CTSC: variants seen among roughly 807,000 people sequenced by gnomAD.
The protein encoded by CTSC is dipeptidyl peptidase 1.
A neutral mutation model predicts 40.9 loss-of-function variants in CTSC; 37 were observed. The observed-to-expected ratio is 0.91, with a 90% CI of 0.70 to 1.19. CTSC has a LOEUF of 1.19. CTSC is among the 50% of genes most tolerant of loss of function. CTSC has a pLI of 0.00. For synonymous variants in CTSC, 232 were observed against 207.4 expected, an observed-to-expected ratio of 1.12 and a Z score of -1.02; for missense variants, 594 against 567.3, an observed-to-expected ratio of 1.05 and a Z score of -0.48.
intron 2 of CTSC, among the ~76,000 whole-genome samples, chr11:88,326,904 GA>G: frequency 6.6e-6 from 1 of 152,198 alleles, no homozygotes; most frequent in Non-Finnish European, 1.5e-5. Flanking sequence ...CCCTAACTAG[GA>G]GAAAGAGTGA....
intron 2 of CTSC, among the ~76,000 whole-genome samples, chr11:88,332,149 C>G (rs977749834): frequency 3.3e-5 from 5 of 152,174 alleles, no homozygotes; most frequent in African/African-American, 1.2e-4. Context: ...GGCAGGTAAG[C>G]ATGGCAAGAA....
At chr11:88,320,253 A>G (rs1320957190) in intron 2 of CTSC, among the ~76,000 whole-genome samples, 1 of 152,260 alleles carries the variant, frequency 6.6e-6, no homozygotes, top group African/African-American at 2.4e-5. Flanking sequence ...ATGGAGGGTC[A>G]TAAATCTGTT....
chr11:88,296,337 T>C (rs993320533), intron 5 of CTSC, 73 bp from the exon 6 acceptor site: 2 of 1,567,980 alleles, frequency 1.3e-6, no homozygotes, highest in African/African-American at 2.7e-5. Flanking sequence ...AAAACCTTAG[T>C]GAATCACATA....
intron 2 of CTSC, chr11:88,326,414 G>C: frequency 6.2e-7 from 1 of 1,613,482 alleles, no homozygotes; most frequent in East Asian, 2.2e-5. Flanking sequence ...GGTTTTAAAA[G>C]AGTCCCTCAA....
At chr11:88,320,110 T>C (rs1009737191) in intron 2 of CTSC, among the ~76,000 whole-genome samples, 2 of 152,198 alleles carry the variant, frequency 1.3e-5, no homozygotes, top group African/African-American at 2.4e-5. Flanking sequence ...TTTCTGCCTA[T>C]TAACTGGACT....
At chr11:88,298,905 T>C (rs76632074) in intron 5 of CTSC, 1 of 152,204 alleles carries the variant, frequency 6.6e-6, no homozygotes, top group African/African-American at 2.4e-5. Context: ...TTGTCAATCA[T>C]TTCTTTTGGG....
At chr11:88,311,198 C>T (rs1029158057) in intron 3 of CTSC, among the ~76,000 whole-genome samples, 7 of 152,086 alleles carry the variant, frequency 4.6e-5, no homozygotes, top group African/African-American at 1.7e-4. Context: ...AAATAGAGTA[C>T]AATAGTACAT....
At chr11:88,309,922 C>T (rs149947851) in intron 3 of CTSC, among the ~76,000 whole-genome samples, 6 of 152,094 alleles carry the variant, frequency 3.9e-5, no homozygotes, top group African/African-American at 1.4e-4. Flanking sequence ...CTTTCCCCTA[C>T]TCCCTACAGT....
chr11:88,310,126 TA>T (rs1937719180), intron 3 of CTSC, among the ~76,000 whole-genome samples: 1 of 152,032 alleles, frequency 6.6e-6, no homozygotes, highest in African/African-American at 2.4e-5. Context: ...CCCAGAAGTT[TA>T]TTAGAAATGC....
intron 3 of CTSC, 44 bp downstream of exon 3, chr11:88,312,344 C>T (rs773802041): frequency 1.3e-6 from 2 of 1,592,090 alleles, no homozygotes; most frequent in South Asian, 1.1e-5. Flanking sequence ...TTCATATATA[C>T]TATAAAACAA....
At chr11:88,317,307 C>T in intron 2 of CTSC, among the ~76,000 whole-genome samples, 1 of 152,170 alleles carries the variant, frequency 6.6e-6, no homozygotes, top group East Asian at 1.9e-4. Context: ...TCTTAATAGA[C>T]ACACTATTTA....
intron 2 of CTSC, 141 bp from the exon 3 acceptor site, chr11:88,312,695 T>C: frequency 1.1e-6 from 1 of 942,796 alleles, no homozygotes. Flanking sequence ...TAAGAATTAT[T>C]CTAGAAAAAG....
chr11:88,325,835 T>A (rs1938167425), intron 2 of CTSC: 2 of 986,018 alleles, frequency 2.0e-6, no homozygotes, highest in Non-Finnish European at 2.4e-6. Context: ...AAATATGTCC[T>A]CCATAGGACC....
Position 88,312,441 on chromosome 11 carries a change from A to G in CTSC, c.432T>C (p.Thr144=). The stretch of plus-strand genomic sequence containing the variant: ...TGTTGACATACACATTCTCAGAGGC[A>G]GTTCCCACCTTCTTTCCGGTGAAAC... ...WACFTGKKVG[T]ASENVYVNIA... Residue 144 remains threonine, a synonymous_variant, in exon 3 of 7, where the codon ACT becomes ACC. Transcript: ENST00000227266. 1 of 1,614,190 alleles carries G rather than the reference A, an allele frequency of 6.2e-7. No individual in the cohort carries two copies.
At chr11:88,319,189 G>A (rs898307678) in intron 2 of CTSC, among the ~76,000 whole-genome samples, 2 of 152,122 alleles carry the variant, frequency 1.3e-5, no homozygotes, top group Non-Finnish European at 1.5e-5. Context: ...ACAAGGATTT[G>A]CAAATACTAA....
At chr11:88,334,805 C>T in intron 2 of CTSC, 132 bp downstream of exon 2, 1 of 714,798 alleles carries the variant, frequency 1.4e-6, no homozygotes, top group South Asian at 1.6e-5. Context: ...ACTACTACTA[C>T]TCTTGGGAAG....
chr11:88,334,993 A>G lies in CTSC; in HGVS notation c.262T>C (p.Tyr88His). 2.5e-6 allele frequency: 4 copies of G among 1,611,910 alleles called. No homozygotes were observed. The highest frequency in any genetic ancestry group is 3.4e-6 in the Non-Finnish European group (4 of 1,178,034). Reference protein sequence around the residue: ...LGNSGHFTIIYNQGFEIVLND... With the variant: ...LGNSGHFTIIHNQGFEIVLND... Reference sequence around the variant, plus strand: ...AACACAATCTCAAAGCCTTGGTTGTAAATGATGGTGAAATGGCCAGAATTG... The same window carrying G: ...AACACAATCTCAAAGCCTTGGTTGTGAATGATGGTGAAATGGCCAGAATTG... Residue 88 changes from tyrosine to histidine, a missense_variant, in exon 2 of 7, where the codon TAC (tyrosine) becomes CAC (histidine). Transcript: ENST00000227266.
Position 88,296,235 on chromosome 11 carries a change from A to T in CTSC, c.787T>A (p.Ser263Thr), listed in dbSNP as rs987273523. Residue 263 changes from serine to threonine, a missense_variant, in exon 6 of 7, where the codon TCT (serine) becomes ACT (threonine). By Grantham distance (58) the Ser-to-Thr change is moderately conservative. Coordinates refer to ENST00000227266, the MANE Select transcript of CTSC (RefSeq NM_001814.6). ...ATTCTCGCTTCTAGCATACCCATAG[A>T]AGCAAATGAGTAGCAGCTGCCACAG... Reference protein sequence around the residue: ...ASCGSCYSFASMGMLEARIRI... With the variant: ...ASCGSCYSFATMGMLEARIRI... The T allele has an allele frequency of 6.2e-7, 1 of 1,614,052 alleles. No individual in the cohort carries two copies. The highest frequency in any genetic ancestry group is 8.5e-7 in the Non-Finnish European group (1 of 1,179,926).
intron 2 of CTSC, chr11:88,323,566 G>A (rs1249518393): frequency 6.6e-6 from 1 of 152,102 alleles, no homozygotes; most frequent in Non-Finnish European, 1.5e-5. Context: ...AGCAACTTCG[G>A]TAAAGTCTCA....
Sources: gnomAD v4.1 joint callset for allele counts (sites outside exome capture counted in the v4.1 genomes callset) on GRCh38, gnomAD v4.1.1 for gene constraint, MANE v1.5 for transcripts, NCBI Gene and HGNC (gene_info 2026-07-23, HGNC 2026-07-21) for gene names.